The following MITD1 variants were observed in gnomAD, a reference collection of about 807,000 sequenced individuals.
MITD1 encodes the protein microtubule interacting and trafficking domain containing 1, also known as MIT domain-containing protein 1.
MITD1 carries 24 observed loss-of-function variants against 34.9 expected under a neutral mutation model. That is an observed-to-expected ratio of 0.69 (90% CI 0.50 to 0.97). MITD1 has a LOEUF of 0.97. MITD1 is among the 50% of genes least tolerant of loss of function. The probability of loss-of-function intolerance (pLI) is 0.00; values close to 1 mark genes in which losing one functional copy is unlikely to be tolerated. For missense variants in MITD1, 266 were observed against 294.6 expected (o/e 0.90, Z 0.71); for synonymous variants, 102 against 101.4 (o/e 1.01, Z -0.04).
intron 7 of MITD1, chr2:99,162,224 G>T (rs2093799222): frequency 6.2e-7 from 1 of 1,613,960 alleles, no homozygotes; most frequent in Non-Finnish European, 8.5e-7. Context: ...TGAATCTAAT[G>T]AGAGAAGAAG....
At chr2:99,180,114 T>C (rs904509937) in intron 1 of MITD1, among the ~76,000 whole-genome samples, 1 of 152,164 alleles carries the variant, frequency 6.6e-6, no homozygotes, top group Non-Finnish European at 1.5e-5. Flanking sequence ...TTCTCAACAT[T>C]GAATAATACG....
At chr2:99,176,615 C>T (rs1308957604) in intron 1 of MITD1, among the ~76,000 whole-genome samples, 2 of 152,150 alleles carry the variant, frequency 1.3e-5, no homozygotes, top group Non-Finnish European at 2.9e-5. Context: ...GCGTGAGCCA[C>T]CACACCTGGC....
chr2:99,164,377 C>T (rs1398103787), downstream of MITD1, among the ~76,000 whole-genome samples: 10 of 152,070 alleles, frequency 6.6e-5, no homozygotes, highest in South Asian at 2.1e-3. Flanking sequence ...GGCTGGAGTG[C>T]AGTGGCATGC....
downstream of MITD1, among the ~76,000 whole-genome samples, chr2:99,168,946 ATTTTTTTT>A (rs1175310553): frequency 2.9e-3 from 144 of 49,318 alleles, 1 homozygote; most frequent in African/African-American, 9.0e-3. Context: ...TGCCCGGCTA[ATTTTTTTT>A]TTTTTTTTTT....
intron 1 of MITD1, among the ~76,000 whole-genome samples, chr2:99,177,408 A>T (rs1481986497): frequency 6.6e-6 from 1 of 152,158 alleles, no homozygotes; most frequent in Non-Finnish European, 1.5e-5. Flanking sequence ...TCATCTTTTT[A>T]AAAAGGTTTT....
chr2:99,165,061 C>CACACACACAT (rs370053233), downstream of MITD1, among the ~76,000 whole-genome samples: 261 of 135,234 alleles, frequency 1.9e-3, no homozygotes, highest in African/African-American at 4.2e-3. Context: ...CACACACACA[C>CACACACACAT]ATATATATAT....
In MITD1 at chr2:99,169,677, G is replaced by T. The variant is rs867895454; in HGVS notation, c.594-67C>A. 1.0e-5 allele frequency: 14 copies of T among 1,342,562 alleles called. No homozygotes were observed. In the African/African-American group the frequency reaches 1.9e-4, roughly 18 times the overall value. 83.2% of individuals were successfully genotyped at this position (1,342,562 alleles called of 1,614,324 possible). A position where few individuals can be genotyped will look rare whatever the true frequency, so the allele number is the denominator to read the frequency against. ...GTCAGACTATTAATAAAGCTGTAGT[G>T]TATTAAGTGTCAGCAAAATTTCCCC... On this transcript the variant is annotated intron_variant, in intron 5 of 6. Coordinates refer to ENST00000289359, the MANE Select transcript of MITD1 (RefSeq NM_138798.3).
chr2:99,176,592 GC>G (rs2093888218), intron 1 of MITD1, among the ~76,000 whole-genome samples: 1 of 152,132 alleles, frequency 6.6e-6, no homozygotes. Context: ...CTCCCAAAGT[GC>G]TGGGATTACA....
chr2:99,162,317 C>CA (rs780042765), intron 7 of MITD1: 9 of 1,610,166 alleles, frequency 5.6e-6, no homozygotes, highest in Non-Finnish European at 6.8e-6. Context: ...TCTTTACAAC[C>CA]AAAAAAAAGT....
intron 2 of MITD1, chr2:99,172,919 TTA>T (rs906094879): frequency 1.3e-5 from 2 of 151,560 alleles, no homozygotes; most frequent in African/African-American, 4.8e-5. Context: ...AGCCCCTAAA[TTA>T]TACTTTACAC....
intron 7 of MITD1, chr2:99,162,924 AT>A: frequency 6.2e-7 from 1 of 1,613,772 alleles, no homozygotes; most frequent in South Asian, 1.1e-5. Context: ...GCCATTGGAA[AT>A]ACGTGACAAA....
At chr2:99,164,140 G>T (rs1332910086) in intron 7 of MITD1, among the ~76,000 whole-genome samples, 10 of 152,086 alleles carry the variant, frequency 6.6e-5, no homozygotes, top group Admixed American at 6.6e-4. Flanking sequence ...CTTTCTGCTG[G>T]TGTCAGATTT....
downstream of MITD1, among the ~76,000 whole-genome samples, chr2:99,167,090 T>C (rs1574821255): frequency 6.6e-6 from 1 of 152,030 alleles, no homozygotes; most frequent in East Asian, 1.9e-4. Flanking sequence ...CATACACAAT[T>C]TCTCTCTTTC....
chr2:99,173,390 C>A, intron 2 of MITD1: 1 of 420,820 alleles, frequency 2.4e-6, no homozygotes, highest in Non-Finnish European at 5.2e-6. Context: ...GAGTAGGGAA[C>A]TAATAATAGG....
At chr2:99,164,942 A>C (rs1284596327), downstream of MITD1, among the ~76,000 whole-genome samples, 1 of 151,422 alleles carries the variant, frequency 6.6e-6, no homozygotes. Flanking sequence ...ATATGGACTC[A>C]AGGTATGTTT....
rs549573695 is a variant in MITD1, at chr2:99,173,517, G to A, written c.253+398C>T. The A allele has an allele frequency of 2.2e-4, 103 of 468,908 alleles. No homozygotes were observed. The East Asian group carries it at 5.9e-3, about 27-fold the overall frequency. 29.0% of individuals were successfully genotyped at this position (468,908 alleles called of 1,614,324 possible). A position where few individuals can be genotyped will look rare whatever the true frequency, so the allele number is the denominator to read the frequency against. Reference sequence around the variant, plus strand: ...TTCTTTAGCTTCTTTCATGATTTTGGTCATTTCATAAAGGGAAATATAAAT... The same window carrying A: ...TTCTTTAGCTTCTTTCATGATTTTGATCATTTCATAAAGGGAAATATAAAT... On this transcript the variant is annotated intron_variant, in intron 2 of 6. Transcript: ENST00000289359.
At chr2:99,177,625 C>A (rs898310584) in intron 1 of MITD1, among the ~76,000 whole-genome samples, 2 of 152,028 alleles carry the variant, frequency 1.3e-5, no homozygotes, top group Admixed American at 6.6e-5. Context: ...ACTCTAGTCA[C>A]CCTATTGTGT....
intron 1 of MITD1, among the ~76,000 whole-genome samples, chr2:99,175,898 C>T (rs1016321532): frequency 3.9e-5 from 6 of 152,112 alleles, no homozygotes; most frequent in East Asian, 1.9e-4. Context: ...TTGTCAAGCC[C>T]GCATCGCTAT....
At chr2:99,175,279 C>T (rs1375109879) in intron 1 of MITD1, among the ~76,000 whole-genome samples, 1 of 152,190 alleles carries the variant, frequency 6.6e-6, no homozygotes, top group Non-Finnish European at 1.5e-5. Context: ...TCCAGGATCC[C>T]ATATTGCATT....
Sources: allele counts gnomAD v4.1 joint callset (sites outside exome capture counted in the v4.1 genomes callset), GRCh38; gene constraint gnomAD v4.1.1; transcripts MANE v1.5; gene names NCBI Gene and HGNC (gene_info 2026-07-23, HGNC 2026-07-21).